SLC1A7: variants seen among roughly 807,000 people sequenced by gnomAD.
The protein encoded by SLC1A7 is excitatory amino acid transporter 5.
SLC1A7 carries 40 observed loss-of-function variants against 47.7 expected under a neutral mutation model. The ratio of observed to expected loss-of-function variants is 0.84; its 90% CI spans 0.65 to 1.09. The LOEUF (loss-of-function observed/expected upper bound fraction) is 1.09. Ranked by LOEUF, SLC1A7 falls within the 50% of genes least tolerant of loss-of-function variation. SLC1A7 has a pLI of 0.00. For synonymous variants in SLC1A7, 323 were observed against 325.6 expected (o/e 0.99, Z 0.09); for missense variants, 746 against 769.5 (o/e 0.97, Z 0.36).
chr1:53,101,849 CA>C, intron 5 of SLC1A7, among the ~76,000 whole-genome samples: 1 of 130,576 alleles, frequency 7.7e-6, no homozygotes, highest in African/African-American at 3.2e-5. Flanking sequence ...TCAGTACACT[CA>C]CACGCCCGCC....
At chr1:53,094,817 G>A (rs1164749667) in intron 5 of SLC1A7, among the ~76,000 whole-genome samples, 2 of 152,236 alleles carry the variant, frequency 1.3e-5, no homozygotes, top group African/African-American at 4.8e-5. Context: ...TCCGAGGACT[G>A]GCTGCTGGGA....
At chr1:53,127,038 G>GCTT (rs1644890052) in intron 2 of SLC1A7, among the ~76,000 whole-genome samples, 1 of 97,564 alleles carries the variant, frequency 1.0e-5, no homozygotes, top group South Asian at 3.9e-4. Flanking sequence ...AATTTTAAAA[G>GCTT]TTTTTTTTTT....
chr1:53,094,371 C>T (rs1413531582), intron 5 of SLC1A7, among the ~76,000 whole-genome samples: 2 of 152,148 alleles, frequency 1.3e-5, no homozygotes, highest in African/African-American at 2.4e-5. Context: ...CTCTGTCAGG[C>T]CAGTCCTGAA....
rs58852734 is a variant in SLC1A7 at position 53,136,666 on chromosome 1, A to AT, written c.136-2238dup. Among the ~76,000 whole-genome samples the AT allele has an allele frequency of 5.7e-4, 60 of 105,394 alleles. 3 individuals carry two copies. Among genetic ancestry groups the AT allele is most frequent in the African/African-American group, 2.2e-3 (57 of 25,734 alleles). 69.1% of individuals were successfully genotyped at this position (105,394 alleles called of 152,430 possible). On this transcript the variant is annotated intron_variant, in intron 1 of 10. Coordinates refer to ENST00000371494, the MANE Select transcript of SLC1A7 (RefSeq NM_006671.6). ...ACATATATATATTATATATATATAT[A>AT]TTTTTTTTTTTTTTTTTTGAGACAA...
chr1:53,125,953 A>G (rs947426938), intron 2 of SLC1A7, among the ~76,000 whole-genome samples: 1 of 152,206 alleles, frequency 6.6e-6, no homozygotes, highest in Admixed American at 6.5e-5. Flanking sequence ...GTAGGACCAT[A>G]TTCAGTGTAT....
intron 5 of SLC1A7, among the ~76,000 whole-genome samples, chr1:53,098,733 C>A (rs1412714734): frequency 4.0e-5 from 6 of 151,058 alleles, no homozygotes; most frequent in African/African-American, 1.5e-4. Context: ...CACATACCGC[C>A]TCGATACACT....
chr1:53,127,007 T>G (rs1644889560), intron 2 of SLC1A7, among the ~76,000 whole-genome samples: 1 of 146,794 alleles, frequency 6.8e-6, no homozygotes, highest in Non-Finnish European at 1.5e-5. Context: ...GGACTACAGG[T>G]GCCCACCATC....
chr1:53,109,016 G>A (rs1021918595), intron 3 of SLC1A7, among the ~76,000 whole-genome samples: 1 of 152,066 alleles, frequency 6.6e-6, no homozygotes, highest in African/African-American at 2.4e-5. Flanking sequence ...CGTGCTCCTG[G>A]TGGCAGCTAC....
chr1:53,100,243 G>A lies in SLC1A7; in HGVS notation c.697+3103C>T, dbSNP rs117239537. Among the ~76,000 whole-genome samples, 1,021 of 146,682 alleles carry A rather than the reference G, an allele frequency of 7.0e-3. 65 individuals carry two copies. The East Asian group carries it at 0.16, about 23-fold the overall frequency. On this transcript the variant is annotated intron_variant, in intron 5 of 10. Coordinates refer to ENST00000371494, the MANE Select transcript of SLC1A7 (RefSeq NM_006671.6). ...TTGGTACACTCATACAACCTGCCTCGCTACACTCACACGCACCGCCTCGGT... is the reference window on the plus strand; with the variant it reads ...TTGGTACACTCATACAACCTGCCTCACTACACTCACACGCACCGCCTCGGT...
chr1:53,095,401 C>A (rs1373440142), intron 5 of SLC1A7, among the ~76,000 whole-genome samples: 2 of 151,924 alleles, frequency 1.3e-5, no homozygotes, highest in Non-Finnish European at 2.9e-5. Flanking sequence ...GTAAGCCACA[C>A]CCTGCCTTGG....
chr1:53,122,247 G>A (rs1450235880), intron 2 of SLC1A7, among the ~76,000 whole-genome samples: 1 of 152,130 alleles, frequency 6.6e-6, no homozygotes, highest in Non-Finnish European at 1.5e-5. Flanking sequence ...TAGTCTGCTG[G>A]CATGACAGCA....
chr1:53,140,359 A>G (rs1645044971), intron 1 of SLC1A7, among the ~76,000 whole-genome samples: 1 of 152,216 alleles, frequency 6.6e-6, no homozygotes, highest in African/African-American at 2.4e-5. Flanking sequence ...GCTGAGGAAA[A>G]TTAAAGAGAA....
intron 1 of SLC1A7, among the ~76,000 whole-genome samples, chr1:53,138,460 T>C (rs1645022203): frequency 6.6e-6 from 1 of 152,050 alleles, no homozygotes; most frequent in Admixed American, 6.5e-5. Context: ...TATATTTTCT[T>C]TTTCTATTTT....
In SLC1A7 at chr1:53,134,426, T is replaced by C. The variant is rs753186097; in HGVS notation, c.139A>G (p.Ile47Val). ...LRTRRLSPQE[I>V]SYFQFPGELL... Reference sequence around the variant, plus strand: ...TCTCCAGGGAACTGGAAGTAACTAATTTCCTGAAAACACAGTAAGAACTGG... The same window carrying C: ...TCTCCAGGGAACTGGAAGTAACTAACTTCCTGAAAACACAGTAAGAACTGG... Residue 47 changes from isoleucine (I) to valine (V), a missense_variant, in exon 2 of 11, where the codon ATT becomes GTT. Coordinates refer to ENST00000371494, the MANE Select transcript of SLC1A7 (RefSeq NM_006671.6). 1.2e-6 allele frequency: 2 copies of C among 1,609,500 alleles called. No individual in the cohort carries two copies. Among genetic ancestry groups the C allele is most frequent in the Non-Finnish European group, 1.7e-6 (2 of 1,176,520 alleles).
intron 5 of SLC1A7, among the ~76,000 whole-genome samples, chr1:53,095,555 C>A (rs954040778): frequency 2.0e-5 from 3 of 149,718 alleles, no homozygotes; most frequent in African/African-American, 7.5e-5. Context: ...ACTCAACTCG[C>A]CTTGGTACAC....
Position 53,088,065 on chromosome 1 carries a change from C to A in SLC1A7, c.1627G>T (p.Ala543Ser), listed in dbSNP as rs777144509. 2.5e-6 allele frequency: 4 copies of A among 1,602,894 alleles called. No individual in the cohort carries two copies. The South Asian group carries it at 3.4e-5, about 13-fold the overall frequency. Residue 543 changes from alanine to serine, a missense_variant, in exon 11 of 11, where the codon GCT becomes TCT. By Grantham distance (99) the Ala-to-Ser change is moderately conservative. Coordinates refer to ENST00000371494, the MANE Select transcript of SLC1A7 (RefSeq NM_006671.6). ...ATGGTGCAGTGGTTCAGACTCGCAG[C>A]GGGCAGCTCCTCATCCTGCTCCACT... ...VQVEQDEELP[A>S]ASLNHCTIQI...
chr1:53,130,656 A>G (rs1288360), intron 2 of SLC1A7, among the ~76,000 whole-genome samples: 139,038 of 152,240 alleles, frequency 0.91, 63,659 homozygotes, highest in East Asian at 1. Context: ...CAATCAAGAG[A>G]TTTAAAATCC....
At chr1:53,091,103 G>A (rs987779648) in intron 7 of SLC1A7, 4 of 737,466 alleles carry the variant, frequency 5.4e-6, no homozygotes, top group Non-Finnish European at 6.4e-6. Flanking sequence ...CAGGGCCCTG[G>A]GCCAGGCTGT....
chr1:53,134,313 C>T (rs766677961), intron 2 of SLC1A7, 37 bp downstream of exon 2: 1 of 1,524,502 alleles, frequency 6.6e-7, no homozygotes, highest in East Asian at 2.3e-5. Context: ...CTCTACCCTC[C>T]TGGTTCCGGA....
Sources: gnomAD v4.1 joint callset for allele counts (sites outside exome capture counted in the v4.1 genomes callset) on GRCh38, gnomAD v4.1.1 for gene constraint, MANE v1.5 for transcripts, NCBI Gene and HGNC (gene_info 2026-07-23, HGNC 2026-07-21) for gene names.